PMFBP1: variants seen among roughly 807,000 people sequenced by gnomAD.
PMFBP1 encodes polyamine modulated factor 1 binding protein 1.
In PMFBP1, 131 loss-of-function variants were observed where a neutral mutation model predicts 137.8. The ratio of observed to expected loss-of-function variants is 0.95; its 90% confidence interval spans 0.82 to 1.10. PMFBP1 has a LOEUF of 1.10. PMFBP1 is among the 50% of genes least tolerant of loss of function. The probability of loss-of-function intolerance (pLI) is 0.00; values close to 1 mark genes in which losing one functional copy is unlikely to be tolerated. For synonymous variants in PMFBP1, 490 were observed against 450.4 expected (o/e 1.09, Z -1.11); for missense variants, 1,199 against 1,175.4 (o/e 1.02, Z -0.29).
chr16:72,157,206 A>C (rs372429321), intron 3 of PMFBP1, among the ~76,000 whole-genome samples: 1 of 149,392 alleles, frequency 6.7e-6, no homozygotes, highest in Non-Finnish European at 1.5e-5. Flanking sequence ...AAAAAAAAAA[A>C]AAAAACCAGA....
At chr16:72,190,603 G>A in the PMFBP1 span, among the ~76,000 whole-genome samples, 1 of 152,216 alleles carries the variant, frequency 6.6e-6, no homozygotes, top group African/African-American at 2.4e-5. Context: ...GAGTGAAATG[G>A]GATGGAAGGA....
chr16:72,205,041 G>T, the PMFBP1 span, among the ~76,000 whole-genome samples: 6 of 152,310 alleles, frequency 3.9e-5, no homozygotes, highest in African/African-American at 1.4e-4. Flanking sequence ...TACTCATTCT[G>T]CCATGGACAG....
At chr16:72,140,630 T>A (rs941822481) in intron 5 of PMFBP1, 48 bp from the exon 6 acceptor site, 1 of 1,513,470 alleles carries the variant, frequency 6.6e-7, no homozygotes, top group Admixed American at 1.7e-5. Context: ...AGTTTGTGAG[T>A]TACTTCAGAA....
the PMFBP1 span, among the ~76,000 whole-genome samples, chr16:72,234,743 C>A: frequency 1.3e-5 from 2 of 152,188 alleles, no homozygotes. Flanking sequence ...AGAACCTGAA[C>A]TGACCCACTG....
At chr16:72,206,614 G>C in the PMFBP1 span, among the ~76,000 whole-genome samples, 1 of 152,334 alleles carries the variant, frequency 6.6e-6, no homozygotes, top group East Asian at 1.9e-4. Context: ...TAAGGCCCCA[G>C]GAGGTTAACT....
At chr16:72,124,336 C>T (rs1288769189) in intron 17 of PMFBP1, among the ~76,000 whole-genome samples, 1 of 152,224 alleles carries the variant, frequency 6.6e-6, no homozygotes, top group Non-Finnish European at 1.5e-5. Context: ...GTAATTCGAG[C>T]AAAGGCCCAG....
the PMFBP1 span, among the ~76,000 whole-genome samples, chr16:72,246,932 G>A: frequency 3.9e-5 from 6 of 152,182 alleles, no homozygotes; most frequent in South Asian, 1.2e-3. Context: ...AGAGAAAGAT[G>A]CCCACTGTTT....
intron 3 of PMFBP1, among the ~76,000 whole-genome samples, chr16:72,163,448 C>G (rs1391711167): frequency 6.6e-6 from 1 of 152,198 alleles, no homozygotes; most frequent in Non-Finnish European, 1.5e-5. Context: ...ATCACAGTCT[C>G]AAGAAAGATG....
At chr16:72,144,459 A>G (rs2042773913) in intron 5 of PMFBP1, among the ~76,000 whole-genome samples, 1 of 152,206 alleles carries the variant, frequency 6.6e-6, no homozygotes, top group Admixed American at 6.5e-5. Context: ...CCGAGTCCAG[A>G]GAAGGTCCCG....
upstream of PMFBP1, among the ~76,000 whole-genome samples, chr16:72,181,876 T>A (rs958271745): frequency 2.6e-5 from 4 of 152,240 alleles, no homozygotes; most frequent in Admixed American, 6.5e-5. Flanking sequence ...TACAGGGGTG[T>A]CCAATCTTTT....
the PMFBP1 span, among the ~76,000 whole-genome samples, chr16:72,235,694 T>C: frequency 6.6e-6 from 1 of 151,704 alleles, no homozygotes; most frequent in African/African-American, 2.4e-5. Context: ...CAGTTTTCAG[T>C]TACAAGTCTT....
Position 72,150,895 on chromosome 16 carries a change from G to T in PMFBP1, c.415-66C>A, listed in dbSNP as rs1039540891. 8 of 1,387,808 alleles carry T rather than the reference G, an allele frequency of 5.8e-6. No homozygotes were observed. In the African/African-American group the frequency reaches 7.1e-5, roughly 12 times the overall value. 86.0% of individuals were successfully genotyped at this position (1,387,808 alleles called of 1,614,324 possible). On this transcript the variant is annotated intron_variant, in intron 4 of 20. Coordinates refer to ENST00000237353, the MANE Select transcript of PMFBP1 (RefSeq NM_031293.3). ...CACGTAATGAGGAAAGGATGCGGTT[G>T]TAAGATTCCCTGCAGAGAAGTCTTG...
chr16:72,190,081 G>T, the PMFBP1 span, among the ~76,000 whole-genome samples: 1 of 152,056 alleles, frequency 6.6e-6, no homozygotes, highest in African/African-American at 2.4e-5. Flanking sequence ...AGCAGCAATC[G>T]GGGAAGTCAC....
Position 72,151,412 on chromosome 16 carries a change from A to G in PMFBP1, c.415-583T>C, listed in dbSNP as rs374453928. On this transcript the variant is annotated intron_variant, in intron 4 of 20. Coordinates refer to ENST00000237353, the MANE Select transcript of PMFBP1 (RefSeq NM_031293.3). ...ATTGTGTTAAGTGCAGAGGGGATAT[A>G]TACATATTAGACATATGCTCACCCC... 2.1e-4 allele frequency among the ~76,000 whole-genome samples: 32 copies of G among 152,320 alleles called. 2 individuals carry two copies. The highest frequency in any genetic ancestry group is 1.0e-3 in the Admixed American group (16 of 15,304).
the PMFBP1 span, among the ~76,000 whole-genome samples, chr16:72,196,234 T>C: frequency 6.6e-6 from 1 of 152,128 alleles, no homozygotes; most frequent in Non-Finnish European, 1.5e-5. Context: ...TCAATACGAA[T>C]GGTACCAACA....
At chr16:72,215,049 G>C in the PMFBP1 span, among the ~76,000 whole-genome samples, 61 of 152,224 alleles carry the variant, frequency 4.0e-4, no homozygotes, top group Admixed American at 2.5e-3. Flanking sequence ...AACTGGAAGA[G>C]AGACCAAAGG....
the PMFBP1 span, among the ~76,000 whole-genome samples, chr16:72,185,663 G>A: frequency 2.0e-5 from 3 of 152,112 alleles, no homozygotes; most frequent in Non-Finnish European, 4.4e-5. Flanking sequence ...CCTCTAGACT[G>A]CAAACTCCAT....
chr16:72,187,406 C>G, the PMFBP1 span, among the ~76,000 whole-genome samples: 1 of 152,068 alleles, frequency 6.6e-6, no homozygotes, highest in African/African-American at 2.4e-5. Flanking sequence ...TAGACAATGT[C>G]TACATGATAT....
chr16:72,119,126 G>C lies in PMFBP1; in HGVS notation c.*212C>G, dbSNP rs1408984434. Reference sequence around the variant, plus strand: ...CTCATGCTCATGTCTTTATTTCAGAGTTTGGGCCTGGAGATGGTAGTATGG... The same window carrying C: ...CTCATGCTCATGTCTTTATTTCAGACTTTGGGCCTGGAGATGGTAGTATGG... On this transcript the variant is annotated 3_prime_UTR_variant, in exon 21 of 21. Transcript: ENST00000237353. 1.9e-6 allele frequency: 1 copy of C among 536,908 alleles called. No homozygotes were observed. Among genetic ancestry groups the C allele is most frequent in the African/African-American group, 1.9e-5 (1 of 52,176 alleles). 33.3% of individuals were successfully genotyped at this position (536,908 alleles called of 1,614,324 possible).
Sources: gnomAD v4.1 joint callset for allele counts (sites outside exome capture counted in the v4.1 genomes callset) on GRCh38, gnomAD v4.1.1 for gene constraint, MANE v1.5 for transcripts, NCBI Gene and HGNC (gene_info 2026-07-23, HGNC 2026-07-21) for gene names.